The following BACH2 variants were observed in gnomAD, a reference collection of about 807,000 sequenced individuals.
BACH2 encodes the protein BACH transcriptional regulator 2.
Under a neutral mutation model 61.8 loss-of-function variants are expected in BACH2, and 5 were observed. The observed-to-expected ratio is 0.08, with a 90% confidence interval of 0.04 to 0.17. The LOEUF (loss-of-function observed/expected upper bound fraction) is 0.17, where lower values mean the gene tolerates loss of function less well. Among genes scored for constraint, BACH2 ranks in the 10% least tolerant of loss-of-function variants. The pLI is 1.00. For missense variants in BACH2, 824 were observed against 1,091.1 expected (o/e 0.76, Z 3.45); for synonymous variants, 446 against 440.1 (o/e 1.01, Z -0.17).
intron 6 of BACH2, among the ~76,000 whole-genome samples, chr6:89,968,348 T>C (rs1775157278): frequency 6.6e-6 from 1 of 152,266 alleles, no homozygotes; most frequent in African/African-American, 2.4e-5. Flanking sequence ...CTGTCTTGAT[T>C]AGAAATTCCT....
At chr6:90,017,975 T>C (rs1778157744) in intron 5 of BACH2, among the ~76,000 whole-genome samples, 1 of 152,212 alleles carries the variant, frequency 6.6e-6, no homozygotes, top group Non-Finnish European at 1.5e-5. Context: ...AGCAGTTTGA[T>C]CCTTTCAGGT....
chr6:89,990,242 A>G (rs1198962574), intron 6 of BACH2, among the ~76,000 whole-genome samples: 1 of 152,178 alleles, frequency 6.6e-6, no homozygotes, highest in African/African-American at 2.4e-5. Context: ...GGGAGTTAAC[A>G]TTTTCATTGG....
At chr6:89,981,402 A>G (rs1805902381) in intron 6 of BACH2, among the ~76,000 whole-genome samples, 1 of 152,020 alleles carries the variant, frequency 6.6e-6, no homozygotes, top group African/African-American at 2.4e-5. Context: ...CGGCCTCCCA[A>G]AGTGCTGGGA....
intron 6 of BACH2, among the ~76,000 whole-genome samples, chr6:89,991,626 TA>T (rs1202664324): frequency 6.6e-6 from 1 of 151,978 alleles, no homozygotes; most frequent in Admixed American, 6.6e-5. Context: ...TTTTTCCACC[TA>T]AAAAAAGTAA....
intron 4 of BACH2, among the ~76,000 whole-genome samples, chr6:90,141,873 G>A (rs1408130001): frequency 6.6e-6 from 1 of 152,198 alleles, no homozygotes; most frequent in Non-Finnish European, 1.5e-5. Flanking sequence ...TTAAGGCCAG[G>A]AGTTCGAGAC....
At chr6:89,940,986 C>T (rs558235845) in intron 7 of BACH2, among the ~76,000 whole-genome samples, 2 of 152,180 alleles carry the variant, frequency 1.3e-5, no homozygotes, top group South Asian at 2.1e-4. Context: ...TGGACAGTGC[C>T]ACTCTAGGAG....
intron 5 of BACH2, among the ~76,000 whole-genome samples, chr6:90,050,810 C>G (rs979338822): frequency 1.1e-4 from 17 of 151,138 alleles, no homozygotes; most frequent in Non-Finnish European, 2.4e-4. Flanking sequence ...TGCTCTGTCG[C>G]CCAGCCTGGA....
chr6:90,190,211 G>A (rs1408518560), intron 4 of BACH2, among the ~76,000 whole-genome samples: 1 of 152,160 alleles, frequency 6.6e-6, no homozygotes, highest in Admixed American at 6.5e-5. Flanking sequence ...CCAAAGTGGT[G>A]GGATTATAGG....
At chr6:90,289,358 T>G (rs1267758842) in intron 1 of BACH2, among the ~76,000 whole-genome samples, 3 of 152,206 alleles carry the variant, frequency 2.0e-5, no homozygotes, top group African/African-American at 7.2e-5. Flanking sequence ...CACCTAGCCC[T>G]GGGTTGTTCT....
chr6:90,135,557 A>T (rs1784243494), intron 4 of BACH2, among the ~76,000 whole-genome samples: 1 of 152,044 alleles, frequency 6.6e-6, no homozygotes, highest in Non-Finnish European at 1.5e-5. Context: ...CTACCCCAAA[A>T]CACAAAAAAT....
intron 6 of BACH2, among the ~76,000 whole-genome samples, chr6:89,970,574 GT>G (rs1775302436): frequency 6.6e-6 from 1 of 152,216 alleles, no homozygotes; most frequent in South Asian, 2.1e-4. Flanking sequence ...GTGTATGTGT[GT>G]TTTTCTAAAG....
intron 6 of BACH2, among the ~76,000 whole-genome samples, chr6:89,998,958 A>G (rs2127777502): frequency 6.6e-6 from 1 of 152,338 alleles, no homozygotes; most frequent in Non-Finnish European, 1.5e-5. Context: ...CGAATCCATT[A>G]AGATTATTAG....
intron 3 of BACH2, among the ~76,000 whole-genome samples, chr6:90,227,294 G>A (rs887962279): frequency 3.2e-4 from 48 of 152,182 alleles, no homozygotes; most frequent in African/African-American, 9.9e-4. Flanking sequence ...TCCCTCGGGC[G>A]GTATACCACC....
At chr6:90,286,985 C>A (rs897084458) in intron 1 of BACH2, among the ~76,000 whole-genome samples, 19 of 152,174 alleles carry the variant, frequency 1.2e-4, no homozygotes, top group African/African-American at 4.1e-4. Flanking sequence ...GGCAGTTCCC[C>A]GCTAGACAGT....
At chr6:90,172,681 G>A (rs1372542510) in intron 4 of BACH2, among the ~76,000 whole-genome samples, 1 of 151,676 alleles carries the variant, frequency 6.6e-6, no homozygotes, top group Admixed American at 6.6e-5. Flanking sequence ...ATGAATAGAA[G>A]GTATTTTCAA....
At chr6:90,155,110 C>T (rs1784952255) in intron 4 of BACH2, among the ~76,000 whole-genome samples, 1 of 152,182 alleles carries the variant, frequency 6.6e-6, no homozygotes, top group Non-Finnish European at 1.5e-5. Context: ...ATGCCTAAGA[C>T]ACCGCAGCCC....
intron 4 of BACH2, among the ~76,000 whole-genome samples, chr6:90,108,255 TATTA>T (rs1340895667): frequency 5.9e-5 from 9 of 152,312 alleles, no homozygotes; most frequent in Non-Finnish European, 1.0e-4. Flanking sequence ...GAATGATTGG[TATTA>T]ATTATCATTA....
At chr6:90,014,462 A>AT (rs1186650721) in intron 5 of BACH2, among the ~76,000 whole-genome samples, 11 of 65,172 alleles carry the variant, frequency 1.7e-4, no homozygotes, top group Non-Finnish European at 2.3e-4. Context: ...ATATATATAT[A>AT]TATATATTTT....
intron 6 of BACH2, among the ~76,000 whole-genome samples, chr6:89,998,065 T>C (rs1776946580): frequency 6.6e-6 from 1 of 152,130 alleles, no homozygotes; most frequent in African/African-American, 2.4e-5. Flanking sequence ...TAAAATGAAA[T>C]AGGTATTTCT....
Sources: allele counts gnomAD v4.1 joint callset (sites outside exome capture counted in the v4.1 genomes callset), GRCh38; gene constraint gnomAD v4.1.1; transcripts MANE v1.5; gene names NCBI Gene and HGNC (gene_info 2026-07-23, HGNC 2026-07-21).